Variants in CTIF observed in about 807,000 individuals in gnomAD.
CTIF encodes CBP80/20-dependent translation initiation factor.
Under a neutral mutation model 66.0 loss-of-function variants are expected in CTIF, and 21 were observed. The ratio of observed to expected loss-of-function variants is 0.32; its 90% CI spans 0.23 to 0.46. CTIF has a LOEUF of 0.46. CTIF is among the 20% of genes least tolerant of loss of function. CTIF has a pLI of 1.00. For synonymous variants in CTIF, 345 were observed against 326.4 expected, an observed-to-expected ratio of 1.06 and a Z score of -0.62; for missense variants, 739 against 812.7, an observed-to-expected ratio of 0.91 and a Z score of 1.10.
In CTIF at chr18:48,666,087, A is replaced by G. The variant is rs182289351; in HGVS notation, c.431+1536A>G. ...CATACCAGCAATGTATGAGATTCCA[A>G]TTTCTCCACATCCCCACCAGCACTT... On this transcript the variant is annotated intron_variant, in intron 5 of 11. Transcript: ENST00000256413. 5.9e-5 allele frequency among the ~76,000 whole-genome samples: 9 copies of G among 152,174 alleles called. No individual in the cohort carries two copies. The East Asian group carries it at 1.7e-3, about 29-fold the overall frequency.
At chr18:48,732,620 T>C (rs1248937519) in intron 7 of CTIF, among the ~76,000 whole-genome samples, 2 of 152,228 alleles carry the variant, frequency 1.3e-5, no homozygotes, top group East Asian at 3.8e-4. Flanking sequence ...GGTCTCTTTC[T>C]TTCTTGTTCT....
At position 48,732,601 on chromosome 18, in the gene CTIF, G is replaced by A. The variant is rs536773642; in HGVS notation, c.584+20906G>A. ...ACAAGAGCCCAAAGCATCTTCAGGT[G>A]TAAGAAGAGGTCTCTTTCTTTCTTG... On this transcript the variant is annotated intron_variant, in intron 7 of 11. Transcript: ENST00000256413. Among the ~76,000 whole-genome samples, 20 of 152,328 alleles carry A rather than the reference G, an allele frequency of 1.3e-4. No homozygotes were observed. The South Asian group carries it at 3.9e-3, about 30-fold the overall frequency.
chr18:48,678,287 T>A (rs1157761420), intron 6 of CTIF, among the ~76,000 whole-genome samples: 1 of 152,124 alleles, frequency 6.6e-6, no homozygotes, highest in East Asian at 1.9e-4. Flanking sequence ...AAGAGAAATA[T>A]TTTTTTCTTC....
At chr18:48,542,911 G>A (rs1346798807) in intron 1 of CTIF, among the ~76,000 whole-genome samples, 1 of 152,170 alleles carries the variant, frequency 6.6e-6, no homozygotes, top group African/African-American at 2.4e-5. Context: ...CAGGTTTCTG[G>A]CGACACGGAG....
intron 3 of CTIF, among the ~76,000 whole-genome samples, chr18:48,646,901 C>CAAAAAAAAAAA (rs35904615): frequency 2.6e-5 from 2 of 77,968 alleles, no homozygotes; most frequent in African/African-American, 5.0e-5. Context: ...TTGGCAGTTT[C>CAAAAAAAAAAA]AAAAAAAAAA....
rs568720613 is a variant in CTIF at position 48,833,240 on chromosome 18, A to T, written c.1527+15864A>T. On this transcript the variant is annotated intron_variant, in intron 10 of 11. Transcript: ENST00000256413. Reference sequence around the variant, plus strand: ...TGCGGCTGGCTGGGAAAATACCTGGAATCCCAGGGCCAGAGTTGAGACTTG... The same window carrying T: ...TGCGGCTGGCTGGGAAAATACCTGGTATCCCAGGGCCAGAGTTGAGACTTG... Among the ~76,000 whole-genome samples the T allele has an allele frequency of 5.9e-5, 9 of 152,300 alleles. No homozygotes were observed. In the South Asian group the frequency reaches 1.9e-3, roughly 32 times the overall value.
At chr18:48,612,197 TAC>T (rs1432251042) in intron 1 of CTIF, among the ~76,000 whole-genome samples, 1 of 152,158 alleles carries the variant, frequency 6.6e-6, no homozygotes, top group African/African-American at 2.4e-5. Context: ...GTCGGGGAAG[TAC>T]ATTCTCGCTG....
intron 1 of CTIF, chr18:48,567,689 G>T: frequency 6.6e-6 from 1 of 152,398 alleles, no homozygotes. Flanking sequence ...CGTGTTCTCA[G>T]GGAGTTAGTA....
chr18:48,694,118 C>T (rs1311659514), intron 6 of CTIF, among the ~76,000 whole-genome samples: 7 of 152,244 alleles, frequency 4.6e-5, no homozygotes, highest in African/African-American at 1.4e-4. Context: ...GGTGCTGCTG[C>T]TCCCACCCTC....
chr18:48,857,549 G>A, intron 10 of CTIF, 39 bp from the exon 11 acceptor site: 1 of 1,581,084 alleles, frequency 6.3e-7, no homozygotes, highest in Non-Finnish European at 8.6e-7. Flanking sequence ...TAGCCGGCAT[G>A]TCTCCTTCAG....
At chr18:48,723,153 T>C (rs2092356201) in intron 7 of CTIF, among the ~76,000 whole-genome samples, 1 of 152,048 alleles carries the variant, frequency 6.6e-6, no homozygotes, top group Non-Finnish European at 1.5e-5. Context: ...ACCCCCTCCT[T>C]CCCCATCTGC....
intron 1 of CTIF, among the ~76,000 whole-genome samples, chr18:48,573,661 G>T (rs1320708587): frequency 6.6e-6 from 1 of 152,188 alleles, no homozygotes; most frequent in Non-Finnish European, 1.5e-5. Flanking sequence ...TGTGACAAAA[G>T]CTCCAGGTGG....
At chr18:48,633,895 T>C (rs1289953688) in intron 2 of CTIF, among the ~76,000 whole-genome samples, 2 of 152,194 alleles carry the variant, frequency 1.3e-5, no homozygotes, top group Admixed American at 6.5e-5. Flanking sequence ...TGCCGTAATA[T>C]GAACACCTTA....
rs535368014 is a variant in CTIF, at chr18:48,673,690, A to C, written c.507+2946A>C. 5.9e-5 allele frequency: 9 copies of C among 152,334 alleles called. No homozygotes were observed. The East Asian group carries it at 1.7e-3, about 29-fold the overall frequency. The allele number at this position is 152,334 out of a possible 1,614,324, so 9.4% of individuals were successfully genotyped here. A position where few individuals can be genotyped will look rare whatever the true frequency, so the allele number is the denominator to read the frequency against. On this transcript the variant is annotated intron_variant, in intron 6 of 11. Transcript: ENST00000256413. ...ATCCAAGTGGCCCTGGCACAGGCAA[A>C]GAGAGCTGGAGGGTCGTGTTCTAGG...
At chr18:48,689,392 C>T (rs1440260966) in intron 6 of CTIF, among the ~76,000 whole-genome samples, 1 of 152,076 alleles carries the variant, frequency 6.6e-6, no homozygotes, top group Non-Finnish European at 1.5e-5. Context: ...AGCAGCAGCC[C>T]GCTCTCATTT....
rs149748404 is a variant in CTIF, at chr18:48,630,359, T to G, written c.181-6255T>G. 1.6e-3 allele frequency among the ~76,000 whole-genome samples: 250 copies of G among 152,322 alleles called. 2 individuals are homozygous for G. Among genetic ancestry groups the G allele is most frequent in the African/African-American group, 5.7e-3 (236 of 41,562 alleles). ...TCACTTGTCTTTATTTGTTCATGAT[T>G]TCTTTTGTCGCTTAGAAGTTTGAAA... On this transcript the variant is annotated intron_variant, in intron 2 of 11. Coordinates refer to ENST00000256413, the MANE Select transcript of CTIF (RefSeq NM_014772.3).
chr18:48,630,801 A>G (rs12454366), intron 2 of CTIF, among the ~76,000 whole-genome samples: 113,293 of 151,816 alleles, frequency 0.75, 42,855 homozygotes, highest in East Asian at 0.99. Flanking sequence ...TCAGCCTCCC[A>G]AGTAGCTGGG....
At chr18:48,630,308 C>T (rs1161847677) in intron 2 of CTIF, among the ~76,000 whole-genome samples, 3 of 150,360 alleles carry the variant, frequency 2.0e-5, no homozygotes, top group Non-Finnish European at 4.4e-5. Flanking sequence ...GGGGGGTGGG[C>T]GACTGTGCAT....
chr18:48,659,168 G>A (rs12607647), intron 3 of CTIF, among the ~76,000 whole-genome samples: 6,304 of 152,258 alleles, frequency 0.041, 174 homozygotes, highest in South Asian at 0.12. Flanking sequence ...CCAAGGAGGT[G>A]TCCAGATTCT....
Sources: gnomAD v4.1 joint callset for allele counts (sites outside exome capture counted in the v4.1 genomes callset) on GRCh38, gnomAD v4.1.1 for gene constraint, MANE v1.5 for transcripts, NCBI Gene and HGNC (gene_info 2026-07-23, HGNC 2026-07-21) for gene names.